ARID3A: variants seen among roughly 807,000 people sequenced by gnomAD.
ARID3A encodes AT-rich interaction domain 3A.
In ARID3A, 11 loss-of-function variants were observed where a neutral mutation model predicts 52.7. The observed-to-expected ratio is 0.21, with a 90% confidence interval of 0.13 to 0.35. The LOEUF (loss-of-function observed/expected upper bound fraction) is 0.35. Ranked by LOEUF, ARID3A falls within the 10% of genes least tolerant of loss-of-function variation. The pLI is 1.00. For synonymous variants in ARID3A, 404 were observed against 359.4 expected (o/e 1.12, Z -1.40); for missense variants, 721 against 838.5 (o/e 0.86, Z 1.73).
At chr19:962,954 T>G (rs1048547446) in intron 4 of ARID3A, among the ~76,000 whole-genome samples, 1 of 152,136 alleles carries the variant, frequency 6.6e-6, no homozygotes, top group African/African-American at 2.4e-5. Flanking sequence ...GGCTGTAAAG[T>G]GGGTTTCAGG....
intron 3 of ARID3A, among the ~76,000 whole-genome samples, chr19:940,715 A>G (rs887413431): frequency 6.6e-6 from 1 of 152,190 alleles, no homozygotes; most frequent in African/African-American, 2.4e-5. Context: ...GTGTTTGTCA[A>G]GAGAGCCCCG....
intron 7 of ARID3A, among the ~76,000 whole-genome samples, chr19:967,342 A>T (rs775509459): frequency 6.6e-6 from 1 of 151,648 alleles, no homozygotes; most frequent in African/African-American, 2.4e-5. Context: ...CTGAAATGGG[A>T]GGATTGCTTG....
At chr19:955,563 C>T (rs575974304) in intron 3 of ARID3A, among the ~76,000 whole-genome samples, 4 of 152,290 alleles carry the variant, frequency 2.6e-5, no homozygotes, top group African/African-American at 7.2e-5. Context: ...CCTGGCGCCT[C>T]GGTTTCCCCA....
intron 1 of ARID3A, among the ~76,000 whole-genome samples, 155 bp downstream of exon 1, chr19:926,214 C>T (rs1287378718): frequency 6.6e-6 from 1 of 151,342 alleles, no homozygotes; most frequent in African/African-American, 2.4e-5. Flanking sequence ...CTGGGGAGCG[C>T]GCTGGCCGTT....
At chr19:967,368 G>T (rs2038181954) in intron 7 of ARID3A, among the ~76,000 whole-genome samples, 1 of 152,122 alleles carries the variant, frequency 6.6e-6, no homozygotes, top group Non-Finnish European at 1.5e-5. Context: ...AGGAATTTGA[G>T]ATCAGCCTGA....
At chr19:927,593 G>C (rs539798946) in intron 1 of ARID3A, among the ~76,000 whole-genome samples, 1 of 150,878 alleles carries the variant, frequency 6.6e-6, no homozygotes, top group African/African-American at 2.4e-5. Flanking sequence ...GCTCTTCCGT[G>C]GGGGGGGCCT....
In ARID3A at chr19:938,750, G is replaced by C. The variant is rs553661215; in HGVS notation, c.693+6008G>C. Among the ~76,000 whole-genome samples the C allele has an allele frequency of 1.3e-5, 2 of 152,134 alleles. No individual in the cohort carries two copies. The highest frequency in any genetic ancestry group is 6.5e-5 in the Admixed American group (1 of 15,276). On this transcript the variant is annotated intron_variant, in intron 3 of 8. Coordinates refer to ENST00000263620, the MANE Select transcript of ARID3A (RefSeq NM_005224.3). This position sits in a 1 kb window ranked among gnomAD's most constrained non-coding sequence, Gnocchi z 4.0. Reference sequence around the variant, plus strand: ...TCAGGCTCAAGGCCAGACACACCTCGCTGGGCCCAGCCCCAGAGACCGCTG... The same window carrying C: ...TCAGGCTCAAGGCCAGACACACCTCCCTGGGCCCAGCCCCAGAGACCGCTG...
At position 932,589 on chromosome 19, in the gene ARID3A, C is replaced by CGAA; in HGVS notation, c.540_541insGAA (p.Pro180_Gln181insGlu). ...TGTTCCCCCGAAAGGCCCAGCCACC[C>CGAA]CAGGCCTTCCGCGGCGATGGCGTTC... On this transcript the variant is annotated inframe_insertion, in exon 3 of 9. Coordinates refer to ENST00000263620, the MANE Select transcript of ARID3A (RefSeq NM_005224.3). 6.6e-7 allele frequency: 1 copy of CGAA among 1,514,714 alleles called. No homozygotes were observed. Among genetic ancestry groups the CGAA allele is most frequent in the Non-Finnish European group, 8.8e-7 (1 of 1,133,498 alleles). The allele number at this position is 1,514,714 out of a possible 1,614,324, so 93.8% of individuals were successfully genotyped here.
Position 941,465 on chromosome 19 carries a change from C to A in ARID3A, c.693+8723C>A, listed in dbSNP as rs548276734. ...GCCTGCGTGTCCCCAGCCAGCACCA[C>A]GGTGTTCGTTTAGGTCTCTGTGTGC... On this transcript the variant is annotated intron_variant, in intron 3 of 8. Coordinates refer to ENST00000263620, the MANE Select transcript of ARID3A (RefSeq NM_005224.3). This position sits in a 1 kb window ranked among gnomAD's most constrained non-coding sequence, Gnocchi z 6.9. 6.6e-6 allele frequency among the ~76,000 whole-genome samples: 1 copy of A among 152,206 alleles called. No homozygotes were observed. The highest frequency in any genetic ancestry group is 2.4e-5 in the African/African-American group (1 of 41,456).
In ARID3A at chr19:933,550, C is replaced by T. The variant is rs968421097; in HGVS notation, c.693+808C>T. On this transcript the variant is annotated intron_variant, in intron 3 of 8. Coordinates refer to ENST00000263620, the MANE Select transcript of ARID3A (RefSeq NM_005224.3). ...CGGGGCTGGAGCTGGTCTGGGCTCC[C>T]GCAGGGAGGTGGATGATGGACACGC... 4.6e-5 allele frequency among the ~76,000 whole-genome samples: 7 copies of T among 152,258 alleles called. No individual in the cohort carries two copies. The East Asian group carries it at 5.8e-4, about 13-fold the overall frequency.
At chr19:946,210 C>A (rs534431335) in intron 3 of ARID3A, among the ~76,000 whole-genome samples, 247 of 152,012 alleles carry the variant, frequency 1.6e-3, no homozygotes, top group African/African-American at 5.7e-3. Flanking sequence ...CTGGGTATTT[C>A]ATTTTTATTT....
intron 3 of ARID3A, among the ~76,000 whole-genome samples, chr19:946,860 C>G (rs989964304): frequency 2.6e-5 from 4 of 151,970 alleles, no homozygotes; most frequent in African/African-American, 9.7e-5. Context: ...GTGATGTCAT[C>G]TCGGCTCACT....
chr19:929,501 T>A lies in ARID3A; in HGVS notation c.-28T>A, dbSNP rs1165872125. On this transcript the variant is annotated 5_prime_UTR_variant, in exon 2 of 9. Coordinates refer to ENST00000263620, the MANE Select transcript of ARID3A (RefSeq NM_005224.3). The surrounding 1 kb of genome is among the most constrained non-coding windows in gnomAD (Gnocchi z 6.2). ...GCGCCCGTGGTGGTGGTGGTGGTGG[T>A]GGTGGTGGTGGCCCGGGCCGCAGGG... The A allele has an allele frequency of 7.8e-7, 1 of 1,288,860 alleles. No individual in the cohort carries two copies. Among genetic ancestry groups the A allele is most frequent in the Non-Finnish European group, 1.0e-6 (1 of 996,250 alleles). The allele number at this position is 1,288,860 out of a possible 1,614,324, so 79.8% of individuals were successfully genotyped here.
chr19:964,674 G>C lies in ARID3A; in HGVS notation c.951-159G>C, dbSNP rs1377975203. 6.6e-6 allele frequency among the ~76,000 whole-genome samples: 1 copy of C among 152,194 alleles called. No homozygotes were observed. Among genetic ancestry groups the C allele is most frequent in the Non-Finnish European group, 1.5e-5 (1 of 68,026 alleles). ...TTGCGAGGAACAGCATTGAGATGGA[G>C]GGAATGGGCAAAGGCCCAGCAGCTC... On this transcript the variant is annotated intron_variant, in intron 5 of 8. Coordinates refer to ENST00000263620, the MANE Select transcript of ARID3A (RefSeq NM_005224.3). The surrounding 1 kb of genome is among the most constrained non-coding windows in gnomAD (Gnocchi z 5.7).
intron 3 of ARID3A, among the ~76,000 whole-genome samples, chr19:958,785 C>G (rs1202105124): frequency 6.6e-6 from 1 of 151,462 alleles, no homozygotes; most frequent in Non-Finnish European, 1.5e-5. Flanking sequence ...CCCAGCTACT[C>G]GGGAGGCTGA....
chr19:934,074 A>C (rs560814896), intron 3 of ARID3A, among the ~76,000 whole-genome samples: 1 of 152,252 alleles, frequency 6.6e-6, no homozygotes, highest in South Asian at 2.1e-4. Context: ...TTAATTCACC[A>C]ATTAATTTAA....
chr19:939,120 TATTTATTA>T (rs1484627169), intron 3 of ARID3A, among the ~76,000 whole-genome samples: 1 of 149,578 alleles, frequency 6.7e-6, no homozygotes, highest in African/African-American at 2.5e-5. Context: ...TTTATTTATT[TATTTATTA>T]TTATTATTTT....
intron 8 of ARID3A, among the ~76,000 whole-genome samples, chr19:969,294 C>G (rs1023943148): frequency 6.6e-6 from 1 of 151,828 alleles, no homozygotes; most frequent in African/African-American, 2.4e-5. Context: ...TCCAGCACTT[C>G]GGGAGGTTAA....
At chr19:953,279 C>G (rs925054229) in intron 3 of ARID3A, among the ~76,000 whole-genome samples, 1 of 152,288 alleles carries the variant, frequency 6.6e-6, no homozygotes, top group South Asian at 2.1e-4. Flanking sequence ...AAATCATCAA[C>G]GTTTCGCCAC....
Sources: gnomAD v4.1 joint callset for allele counts (sites outside exome capture counted in the v4.1 genomes callset) on GRCh38, gnomAD v4.1.1 for gene constraint, Gnocchi (gnomAD v3.1) non-coding constraint, MANE v1.5 for transcripts, NCBI Gene and HGNC (gene_info 2026-07-23, HGNC 2026-07-21) for gene names.